KYAT1: variants seen among roughly 807,000 people sequenced by gnomAD.
The protein encoded by KYAT1 is kynurenine--oxoglutarate transaminase 1.
A neutral mutation model predicts 52.4 loss-of-function variants in KYAT1; 47 were observed. That is an observed-to-expected ratio of 0.90 (90% confidence interval 0.71 to 1.14). KYAT1 has a LOEUF of 1.14. KYAT1 is among the 50% of genes most tolerant of loss of function. The probability of loss-of-function intolerance (pLI) is 0.00; values close to 1 mark genes in which losing one functional copy is unlikely to be tolerated. For synonymous variants in KYAT1, 212 were observed against 209.6 expected, an observed-to-expected ratio of 1.01 and a Z score of -0.10; for missense variants, 480 against 557.9, an observed-to-expected ratio of 0.86 and a Z score of 1.41.
intron 1 of KYAT1, among the ~76,000 whole-genome samples, chr9:128,878,928 G>T (rs1471070560): frequency 6.6e-6 from 1 of 152,152 alleles, no homozygotes; most frequent in African/African-American, 2.4e-5. Context: ...CTTAGAGAGG[G>T]GAAATGACTT....
chr9:128,846,908 C>T (rs897599704), intron 1 of KYAT1: 84 of 1,464,918 alleles, frequency 5.7e-5, no homozygotes, highest in Non-Finnish European at 6.6e-5. Context: ...AGTTCCACCT[C>T]GCTCAGTTCC....
chr9:128,845,233 G>A lies in KYAT1; in HGVS notation c.53+120C>T. ...GCCCTGTCTCTCCTGAGCTATGGCT[G>A]GAATCTGGCAGTCTGTGTACCGCCA... On this transcript the variant is annotated intron_variant, in intron 2 of 12. Transcript: ENST00000302586. 4 of 741,238 alleles carry A rather than the reference G, an allele frequency of 5.4e-6. No individual in the cohort carries two copies. The East Asian group carries it at 8.0e-5, about 15-fold the overall frequency. 45.9% of individuals were successfully genotyped at this position (741,238 alleles called of 1,614,324 possible). A position where few individuals can be genotyped will look rare whatever the true frequency, so the allele number is the denominator to read the frequency against.
chr9:128,869,950 C>T (rs1214755934), intron 1 of KYAT1, among the ~76,000 whole-genome samples: 1 of 152,004 alleles, frequency 6.6e-6, no homozygotes, highest in Non-Finnish European at 1.5e-5. Context: ...GACAGGGTTT[C>T]GCCATGTTGG....
At chr9:128,850,646 T>C (rs1016751884) in intron 1 of KYAT1, among the ~76,000 whole-genome samples, 1 of 152,122 alleles carries the variant, frequency 6.6e-6, no homozygotes, top group Non-Finnish European at 1.5e-5. Context: ...GACCTGACCG[T>C]CCCCCAGCCC....
chr9:128,835,714 G>T (rs765190007), intron 9 of KYAT1, 47 bp from the exon 10 acceptor site: 4 of 1,603,976 alleles, frequency 2.5e-6, no homozygotes, highest in African/African-American at 1.3e-5. Context: ...GTTCCCTGAC[G>T]CGGGGGCCAG....
chr9:128,859,015 A>C (rs1835077867), intron 1 of KYAT1, among the ~76,000 whole-genome samples: 2 of 150,690 alleles, frequency 1.3e-5, no homozygotes, highest in Admixed American at 1.3e-4. Flanking sequence ...AAAAGCAAAG[A>C]AAAGAAAAGA....
At chr9:128,873,903 A>ACG (rs1349522878) in intron 1 of KYAT1, among the ~76,000 whole-genome samples, 1 of 148,012 alleles carries the variant, frequency 6.8e-6, no homozygotes, top group South Asian at 2.2e-4. Context: ...CAGAGATTGC[A>ACG]CCACTGCACT....
At chr9:128,872,524 T>C (rs1326548922) in intron 1 of KYAT1, among the ~76,000 whole-genome samples, 4 of 151,546 alleles carry the variant, frequency 2.6e-5, no homozygotes, top group Non-Finnish European at 4.4e-5. Context: ...TCCCAGCACT[T>C]TGGGAGGCCG....
Position 128,845,375 on chromosome 9 carries a change from C to A in KYAT1, c.31G>T (p.Asp11Tyr). Residue 11 changes from aspartate to tyrosine, a missense_variant, in exon 2 of 13, where the codon GAC becomes TAC. By Grantham distance (160) the Asp-to-Tyr change is radical. Transcript: ENST00000302586. MAKQLQARRLDGIDYNPWVEF... is the reference protein window; with the variant it reads MAKQLQARRLYGIDYNPWVEF... ...CACCAGGGGTTGTAGTCGATCCCGT[C>A]TAGCCTTCGGGCCTGCAGCTGTTTG... 1 of 1,613,966 alleles carries A rather than the reference C, an allele frequency of 6.2e-7. No homozygotes were observed. The highest frequency in any genetic ancestry group is 8.5e-7 in the Non-Finnish European group (1 of 1,180,006).
At chr9:128,870,730 G>A (rs187355789) in intron 1 of KYAT1, among the ~76,000 whole-genome samples, 1 of 152,160 alleles carries the variant, frequency 6.6e-6, no homozygotes, top group Non-Finnish European at 1.5e-5. Context: ...AGAATAACAA[G>A]TCTATAGAGA....
chr9:128,842,941 C>T (rs1229384555), intron 2 of KYAT1, 140 bp from the exon 3 acceptor site: 10 of 722,244 alleles, frequency 1.4e-5, no homozygotes, highest in East Asian at 3.2e-5. Flanking sequence ...CCGAGGTGGG[C>T]GGATCACCTG....
chr9:128,836,134 T>C lies in KYAT1; in HGVS notation c.689-61A>G. The C allele has an allele frequency of 4.0e-6, 6 of 1,510,082 alleles. No individual in the cohort carries two copies. In the Admixed American group the frequency reaches 1.0e-4, roughly 26 times the overall value. 93.5% of individuals were successfully genotyped at this position (1,510,082 alleles called of 1,614,324 possible). ...GGGTGAGGGGGACGGGGGAGGATGGTGGTCTGGGCCCCAGGGGACACGCAT... is the reference window on the plus strand; with the variant it reads ...GGGTGAGGGGGACGGGGGAGGATGGCGGTCTGGGCCCCAGGGGACACGCAT... On this transcript the variant is annotated intron_variant, in intron 7 of 12. Coordinates refer to ENST00000302586, the MANE Select transcript of KYAT1 (RefSeq NM_004059.5).
chr9:128,854,323 C>A (rs1421614705), intron 1 of KYAT1, among the ~76,000 whole-genome samples: 1 of 152,112 alleles, frequency 6.6e-6, no homozygotes, highest in East Asian at 1.9e-4. Flanking sequence ...GCTACTTCTG[C>A]AGAACAACAT....
At chr9:128,882,480 C>T (rs1392108313), upstream of KYAT1, 1 of 382,146 alleles carries the variant, frequency 2.6e-6, no homozygotes, top group South Asian at 1.5e-4. Context: ...GAGCCCCCTC[C>T]CAGGCACCCC....
intron 1 of KYAT1, among the ~76,000 whole-genome samples, chr9:128,867,891 G>C (rs1471091241): frequency 6.6e-6 from 1 of 152,090 alleles, no homozygotes; most frequent in African/African-American, 2.4e-5. Flanking sequence ...TCCTGCCTCA[G>C]CCTCCTGAGT....
chr9:128,853,507 C>T (rs1311079439), intron 1 of KYAT1, among the ~76,000 whole-genome samples: 1 of 152,106 alleles, frequency 6.6e-6, no homozygotes, highest in Non-Finnish European at 1.5e-5. Flanking sequence ...GTAGTACAGG[C>T]TACAAAGGAT....
intron 1 of KYAT1, among the ~76,000 whole-genome samples, chr9:128,867,782 T>C (rs910273230): frequency 3.9e-5 from 6 of 152,246 alleles, no homozygotes; most frequent in African/African-American, 1.4e-4. Flanking sequence ...TTTTTTTGTT[T>C]GTTTGTTTGA....
At chr9:128,843,382 C>CTTT (rs542736022) in intron 2 of KYAT1, among the ~76,000 whole-genome samples, 3 of 139,838 alleles carry the variant, frequency 2.1e-5, no homozygotes, top group Non-Finnish European at 1.6e-5. Context: ...AAGAAATCAT[C>CTTT]TTTTTTTTTT....
intron 1 of KYAT1, among the ~76,000 whole-genome samples, chr9:128,850,584 C>G (rs889287330): frequency 6.6e-6 from 1 of 152,150 alleles, no homozygotes; most frequent in African/African-American, 2.4e-5. Flanking sequence ...GCGTATTGTC[C>G]GAGGTTTCTC....
Sources: gnomAD v4.1 joint callset for allele counts (sites outside exome capture counted in the v4.1 genomes callset) on GRCh38, gnomAD v4.1.1 for gene constraint, MANE v1.5 for transcripts, NCBI Gene and HGNC (gene_info 2026-07-23, HGNC 2026-07-21) for gene names.